The following IQCM variants were observed in gnomAD, a reference collection of about 807,000 sequenced individuals.
The protein encoded by IQCM is IQ domain-containing protein M.
Under a neutral mutation model 57.6 loss-of-function variants are expected in IQCM, and 45 were observed. The ratio of observed to expected loss-of-function variants is 0.78; its 90% CI spans 0.62 to 1.00. IQCM has a LOEUF of 1.00. Ranked by LOEUF, IQCM falls within the 50% of genes least tolerant of loss-of-function variation. The pLI is 0.00. For synonymous variants in IQCM, 148 were observed against 158.9 expected (o/e 0.93, Z 0.51); for missense variants, 468 against 511.6 (o/e 0.91, Z 0.82).
intron 2 of IQCM, among the ~76,000 whole-genome samples, chr4:149,751,298 C>T (rs1768411102): frequency 6.6e-6 from 1 of 152,180 alleles, no homozygotes; most frequent in Non-Finnish European, 1.5e-5. Flanking sequence ...TGAATTCTTT[C>T]TTTACCTTCT....
intron 2 of IQCM, among the ~76,000 whole-genome samples, chr4:149,767,428 A>G (rs920851881): frequency 1.3e-5 from 2 of 152,130 alleles, no homozygotes; most frequent in Non-Finnish European, 2.9e-5. Context: ...TTGTTTCAAC[A>G]TATGTTCACA....
At chr4:149,772,657 A>T (rs995917345) in intron 2 of IQCM, among the ~76,000 whole-genome samples, 1 of 152,250 alleles carries the variant, frequency 6.6e-6, no homozygotes, top group East Asian at 1.9e-4. Context: ...TGAGGCATAA[A>T]GCAAGAAGCA....
At chr4:149,587,254 C>T (rs1752726918) in intron 9 of IQCM, among the ~76,000 whole-genome samples, 1 of 151,770 alleles carries the variant, frequency 6.6e-6, no homozygotes, top group Admixed American at 6.6e-5. Context: ...TAGTTTCCCT[C>T]CAGTTTCTGT....
intron 13 of IQCM, among the ~76,000 whole-genome samples, chr4:149,426,994 C>T (rs534153572): frequency 3.1e-4 from 47 of 151,980 alleles, no homozygotes; most frequent in African/African-American, 8.7e-4. Flanking sequence ...CAGTATAATG[C>T]CCCCTTATTT....
intron 13 of IQCM, among the ~76,000 whole-genome samples, chr4:149,394,640 T>A (rs901122016): frequency 6.6e-6 from 1 of 151,780 alleles, no homozygotes; most frequent in African/African-American, 2.4e-5. Context: ...GCCTCCAGGG[T>A]GCTTGCCACA....
chr4:149,424,268 A>G (rs1201120246), intron 13 of IQCM, among the ~76,000 whole-genome samples: 1 of 151,826 alleles, frequency 6.6e-6, no homozygotes, highest in African/African-American at 2.4e-5. Flanking sequence ...CTTTTCATTG[A>G]AAGGCTATAT....
intron 13 of IQCM, among the ~76,000 whole-genome samples, chr4:149,432,546 A>G (rs1734968828): frequency 6.6e-6 from 1 of 152,052 alleles, no homozygotes; most frequent in South Asian, 2.1e-4. Flanking sequence ...TATAAAATTT[A>G]TAGAAGAAAA....
At chr4:149,815,452 A>G (rs1561305100) in intron 1 of IQCM, 104 bp from the exon 2 acceptor site, 1 of 152,004 alleles carries the variant, frequency 6.6e-6, no homozygotes, top group Admixed American at 6.6e-5. Context: ...ATTTATAAAC[A>G]TAATTTTATC....
chr4:149,708,736 T>C (rs1764342810), intron 5 of IQCM, among the ~76,000 whole-genome samples: 1 of 152,070 alleles, frequency 6.6e-6, no homozygotes, highest in Admixed American at 6.6e-5. Flanking sequence ...TGACATACTT[T>C]CTCACCTTGC....
At chr4:149,530,602 A>G (rs1746632045) in intron 12 of IQCM, among the ~76,000 whole-genome samples, 1 of 152,204 alleles carries the variant, frequency 6.6e-6, no homozygotes, top group African/African-American at 2.4e-5. Context: ...ATTCTTAATT[A>G]AATCTATTTA....
chr4:149,797,587 A>G (rs560416528), intron 2 of IQCM, among the ~76,000 whole-genome samples: 2 of 152,190 alleles, frequency 1.3e-5, no homozygotes, highest in East Asian at 3.9e-4. Flanking sequence ...GGTTATAGAA[A>G]ACCAAGCAAA....
chr4:149,746,374 T>C (rs1393647444), intron 2 of IQCM, among the ~76,000 whole-genome samples: 1 of 152,172 alleles, frequency 6.6e-6, no homozygotes, highest in Non-Finnish European at 1.5e-5. Flanking sequence ...CTTCTCCCCA[T>C]CTTAATCTCC....
intron 5 of IQCM, among the ~76,000 whole-genome samples, chr4:149,730,422 T>C (rs543564755): frequency 1.3e-5 from 2 of 152,330 alleles, no homozygotes; most frequent in Non-Finnish European, 2.9e-5. Context: ...CTGCAACTTC[T>C]CTTTAAAACA....
chr4:149,470,582 A>C (rs1739411885), intron 12 of IQCM, among the ~76,000 whole-genome samples: 1 of 152,176 alleles, frequency 6.6e-6, no homozygotes, highest in African/African-American at 2.4e-5. Context: ...AAAGTTAACA[A>C]GGATATCCAG....
At chr4:149,355,252 T>C (rs1728877430) in intron 13 of IQCM, among the ~76,000 whole-genome samples, 3 of 152,168 alleles carry the variant, frequency 2.0e-5, no homozygotes, top group African/African-American at 4.8e-5. Flanking sequence ...TTTAATTTTT[T>C]ATTATTGTAC....
At chr4:149,794,461 A>G (rs1166546737) in intron 2 of IQCM, among the ~76,000 whole-genome samples, 4 of 152,236 alleles carry the variant, frequency 2.6e-5, no homozygotes, top group Non-Finnish European at 5.9e-5. Context: ...TATATAGTTT[A>G]TGTTAAAATA....
chr4:149,741,359 C>G (rs1484860956), intron 3 of IQCM, among the ~76,000 whole-genome samples: 1 of 152,068 alleles, frequency 6.6e-6, no homozygotes, highest in Non-Finnish European at 1.5e-5. Context: ...AAAAATCTTT[C>G]TATGTTAATA....
intron 8 of IQCM, among the ~76,000 whole-genome samples, chr4:149,618,537 T>C (rs1756000049): frequency 6.6e-6 from 1 of 151,768 alleles, no homozygotes; most frequent in Non-Finnish European, 1.5e-5. Context: ...CTGTACAAGA[T>C]AATAATTAAA....
At chr4:149,469,048 TC>T (rs1739199940) in intron 12 of IQCM, among the ~76,000 whole-genome samples, 1 of 152,076 alleles carries the variant, frequency 6.6e-6, no homozygotes, top group African/African-American at 2.4e-5. Context: ...AACTGGAAAC[TC>T]TAAAAATCAG....
Sources: gnomAD v4.1 joint callset for allele counts (sites outside exome capture counted in the v4.1 genomes callset) on GRCh38, gnomAD v4.1.1 for gene constraint, MANE v1.5 for transcripts, NCBI Gene and HGNC (gene_info 2026-07-23, HGNC 2026-07-21) for gene names.